PYM1: variants seen among roughly 807,000 people sequenced by gnomAD.
PYM1 encodes the protein partner of Y14 and mago.
In PYM1, 7 loss-of-function variants were observed where a neutral mutation model predicts 20.7. The ratio of observed to expected loss-of-function variants is 0.34; its 90% CI spans 0.19 to 0.64. The LOEUF (loss-of-function observed/expected upper bound fraction) is 0.64. Ranked by LOEUF, PYM1 falls within the 30% of genes least tolerant of loss-of-function variation. The pLI, the probability that PYM1 is intolerant of heterozygous loss-of-function variation, is 0.74. For missense variants in PYM1, 194 were observed against 250.0 expected, an observed-to-expected ratio of 0.78 and a Z score of 1.51; for synonymous variants, 100 against 99.2, an observed-to-expected ratio of 1.01 and a Z score of -0.05.
At chr12:55,913,297 C>T (rs1882955987) in intron 1 of PYM1, among the ~76,000 whole-genome samples, 1 of 152,092 alleles carries the variant, frequency 6.6e-6, no homozygotes, top group African/African-American at 2.4e-5. Flanking sequence ...AGAGCCTGGC[C>T]CACAGAAGAC....
intron 1 of PYM1, among the ~76,000 whole-genome samples, chr12:55,923,633 C>T (rs1026517258): frequency 2.0e-5 from 3 of 151,200 alleles, no homozygotes; most frequent in Non-Finnish European, 4.4e-5. Flanking sequence ...ATCAATATTG[C>T]TTCATTAATT....
chr12:55,904,778 G>A (rs1054349065), intron 1 of PYM1, among the ~76,000 whole-genome samples: 3 of 151,468 alleles, frequency 2.0e-5, no homozygotes, highest in Non-Finnish European at 4.4e-5. Context: ...TGGGGAGGCC[G>A]AGGCACGAGA....
rs773714243 is a variant in PYM1, at chr12:55,903,469, C to T, written c.49G>A (p.Ala17Thr). The T allele has an allele frequency of 3.1e-6, 5 of 1,613,630 alleles. No homozygotes were observed. The highest frequency in any genetic ancestry group is 3.4e-6 in the Non-Finnish European group (4 of 1,179,912). ...PAATETGKYI[A>T]STQRPDGTWR... The stretch of plus-strand genomic sequence containing the variant: ...GTCCCGTCAGGTCGCTGTGTTGACG[C>T]GATATACTTGCCTAAAATAAGAAAA... The change falls in exon 2 of 3, where the codon GCG (alanine) becomes ACG (threonine). Residue 17 changes from alanine to threonine, a missense_variant. Physicochemically the swap from Ala to Thr is moderately conservative, Grantham distance 58. Coordinates refer to ENST00000408946, the MANE Select transcript of PYM1 (RefSeq NM_032345.3).
intron 1 of PYM1, among the ~76,000 whole-genome samples, chr12:55,910,012 C>G (rs1321672831): frequency 1.3e-5 from 2 of 152,008 alleles, no homozygotes; most frequent in Non-Finnish European, 2.9e-5. Flanking sequence ...CCAGCCTGAG[C>G]AACATAGGGA....
At chr12:55,907,246 A>G (rs1882836065) in intron 1 of PYM1, among the ~76,000 whole-genome samples, 1 of 151,316 alleles carries the variant, frequency 6.6e-6, no homozygotes, top group South Asian at 2.1e-4. Flanking sequence ...GGTGGATCAC[A>G]CAAGTCCAGG....
chr12:55,909,989 C>T (rs1036890569), intron 1 of PYM1, among the ~76,000 whole-genome samples: 2 of 152,066 alleles, frequency 1.3e-5, no homozygotes, highest in Non-Finnish European at 1.5e-5. Flanking sequence ...CCCTTGAGCC[C>T]AGGCATTCAA....
chr12:55,911,471 A>G (rs1882921683), intron 1 of PYM1, among the ~76,000 whole-genome samples: 1 of 152,136 alleles, frequency 6.6e-6, no homozygotes, highest in Admixed American at 6.6e-5. Flanking sequence ...TTGCAGAGCC[A>G]TTTTAAGATA....
chr12:55,925,261 G>C (rs1417194257), intron 1 of PYM1, among the ~76,000 whole-genome samples: 1 of 152,240 alleles, frequency 6.6e-6, no homozygotes, highest in Non-Finnish European at 1.5e-5. Context: ...ATAAGGTACT[G>C]ACAGATTCAA....
At chr12:55,917,885 G>A (rs1253574593) in intron 1 of PYM1, among the ~76,000 whole-genome samples, 2 of 151,626 alleles carry the variant, frequency 1.3e-5, no homozygotes, top group African/African-American at 2.4e-5. Flanking sequence ...ACTTCAACCC[G>A]GGAGATAGAG....
In PYM1 at chr12:55,902,181, C is replaced by G; in HGVS notation, c.306G>C (p.Glu102Asp). ...KRKEKRRQQQEKGEAEALSRT... is the reference protein window; with the variant it reads ...KRKEKRRQQQDKGEAEALSRT... ...TGCTCAAGGCCTCTGCCTCTCCTTT[C>G]TCTTGCTGCTGCCGCCTCTTCTCCT... Residue 102 changes from glutamate to aspartate, a missense_variant, in exon 3 of 3, where the codon GAG becomes GAC. Physicochemically the swap from Glu to Asp is conservative, Grantham distance 45. Around this residue, in one of 3 missense-constraint regions of PYM1, gnomAD observed 158 missense variants for 179.0 expected, o/e 0.88. Transcript: ENST00000408946. 1 of 1,614,174 alleles carries G rather than the reference C, an allele frequency of 6.2e-7. No homozygotes were observed. Among genetic ancestry groups the G allele is most frequent in the Non-Finnish European group, 8.5e-7 (1 of 1,180,034 alleles).
chr12:55,908,222 GAC>G (rs1882858952), intron 1 of PYM1, among the ~76,000 whole-genome samples: 1 of 150,940 alleles, frequency 6.6e-6, no homozygotes, highest in Non-Finnish European at 1.5e-5. Context: ...CAACCTGGGC[GAC>G]AGAGAAAGAC....
rs7302270 is a variant in PYM1 at position 55,901,950 on chromosome 12, A to G, written c.537T>C (p.Pro179=). ...QRIQAGEVSQ[P]SKEQLEKLAR... Reference sequence around the variant, plus strand: ...CTAGCTTTTCTAGCTGCTCTTTGCTAGGCTGGCTGACTTCCCCAGCCTGGA... The same window carrying G: ...CTAGCTTTTCTAGCTGCTCTTTGCTGGGCTGGCTGACTTCCCCAGCCTGGA... The change falls in exon 3 of 3, where the codon CCT becomes CCC. Residue 179 remains proline (P), a synonymous_variant. Transcript: ENST00000408946. The G allele has an allele frequency of 0.99, 1,604,101 of 1,614,118 alleles. 797,599 individuals are homozygous for G. The highest frequency in any genetic ancestry group is 1 in the East Asian group (44,872 of 44,872).
intron 1 of PYM1, 124 bp downstream of exon 1, chr12:55,927,601 C>T (rs1175908422): frequency 2.4e-6 from 3 of 1,276,138 alleles, no homozygotes; most frequent in Admixed American, 2.2e-5. Context: ...GGTTGGAGAC[C>T]CTATCTAACC....
At chr12:55,906,623 GA>G (rs1322086797) in intron 1 of PYM1, among the ~76,000 whole-genome samples, 1 of 152,082 alleles carries the variant, frequency 6.6e-6, no homozygotes, top group African/African-American at 2.4e-5. Context: ...CGCTGATATA[GA>G]GTATGGTACT....
At chr12:55,905,861 A>G (rs1565714393) in intron 1 of PYM1, among the ~76,000 whole-genome samples, 1 of 40,072 alleles carries the variant, frequency 2.5e-5, no homozygotes, top group Non-Finnish European at 5.7e-5. Flanking sequence ...TATATATTAG[A>G]TATATATATA....
At chr12:55,927,118 C>T (rs761223830) in intron 1 of PYM1, 23 of 1,550,372 alleles carry the variant, frequency 1.5e-5, no homozygotes, top group Non-Finnish European at 1.8e-5. Flanking sequence ...ATCTTGAAAA[C>T]GCAAACCACT....
chr12:55,903,116 C>T (rs1274841894), intron 2 of PYM1, among the ~76,000 whole-genome samples: 1 of 152,116 alleles, frequency 6.6e-6, no homozygotes, highest in Non-Finnish European at 1.5e-5. Context: ...CCCCAACTTT[C>T]CTCTGCTCTG....
intron 1 of PYM1, chr12:55,926,933 T>G (rs2136271882): frequency 1.2e-5 from 10 of 846,872 alleles, no homozygotes; most frequent in Admixed American, 3.1e-5. Flanking sequence ...AGACACCCCG[T>G]AGGAGAGAAT....
rs1565714469 is a variant in PYM1, at chr12:55,905,905, A to AGATATATATATTATATATATATCTAT, written c.38-2426_38-2425insATAGATATATATATAATATATATATC. On this transcript the variant is annotated intron_variant, in intron 1 of 2. Coordinates refer to ENST00000408946, the MANE Select transcript of PYM1 (RefSeq NM_032345.3). ...ATATATATATTATTATATATATCTAATAGATATATATATTATTATATATAT... is the reference window on the plus strand; with the variant it reads ...ATATATATATTATTATATATATCTAAGATATATATATTATATATATATCTATTAGATATATATATTATTATATATAT... Among the ~76,000 whole-genome samples the AGATATATATATTATATATATATCTAT allele has an allele frequency of 1.1e-4, 7 of 65,936 alleles. 2 individuals are homozygous for AGATATATATATTATATATATATCTAT. Among genetic ancestry groups the AGATATATATATTATATATATATCTAT allele is most frequent in the Non-Finnish European group, 2.0e-4 (7 of 34,720 alleles). 43.3% of individuals were successfully genotyped at this position (65,936 alleles called of 152,430 possible).
Sources: gnomAD v4.1 joint callset for allele counts (sites outside exome capture counted in the v4.1 genomes callset) on GRCh38, gnomAD v4.1.1 for gene constraint, gnomAD v4.1.1 regional missense constraint, MANE v1.5 for transcripts, NCBI Gene and HGNC (gene_info 2026-07-23, HGNC 2026-07-21) for gene names.